MTIF3: variants seen among roughly 807,000 people sequenced by gnomAD.
The protein encoded by MTIF3 is translation initiation factor IF-3, mitochondrial.
A neutral mutation model predicts 20.7 loss-of-function variants in MTIF3; 13 were observed. The observed-to-expected ratio is 0.63, with a 90% CI of 0.41 to 1.00. MTIF3 has a LOEUF of 1.00. Ranked by LOEUF, MTIF3 falls within the 50% of genes least tolerant of loss-of-function variation. The pLI, the probability that MTIF3 is intolerant of heterozygous loss-of-function variation, is 0.00. For synonymous variants in MTIF3, 114 were observed against 112.5 expected, an observed-to-expected ratio of 1.01 and a Z score of -0.08; for missense variants, 295 against 324.5, an observed-to-expected ratio of 0.91 and a Z score of 0.70.
chr13:27,444,278 CTG>C (rs1954101330), intron 2 of MTIF3, among the ~76,000 whole-genome samples: 1 of 151,676 alleles, frequency 6.6e-6, no homozygotes, highest in Non-Finnish European at 1.5e-5. Flanking sequence ...GCACTCCAGC[CTG>C]GGCGACAGAG....
intron 2 of MTIF3, among the ~76,000 whole-genome samples, chr13:27,443,028 C>A (rs1298940997): frequency 6.6e-6 from 1 of 152,246 alleles, no homozygotes; most frequent in Non-Finnish European, 1.5e-5. Flanking sequence ...AGCCAAGGAG[C>A]TATGGCAGGG....
At chr13:27,445,505 C>T (rs142539573) in intron 1 of MTIF3, among the ~76,000 whole-genome samples, 78 of 151,896 alleles carry the variant, frequency 5.1e-4, no homozygotes, top group African/African-American at 1.8e-3. Context: ...CACCATTTTT[C>T]CAACCCCAAC....
At chr13:27,439,967 G>A (rs1381257800) in intron 3 of MTIF3, 22 bp downstream of exon 3, 3 of 1,602,548 alleles carry the variant, frequency 1.9e-6, no homozygotes, top group Non-Finnish European at 2.6e-6. Flanking sequence ...AGGATTCAGG[G>A]AGCCAACAGC....
At chr13:27,445,536 G>T (rs963739050) in intron 1 of MTIF3, among the ~76,000 whole-genome samples, 2 of 151,994 alleles carry the variant, frequency 1.3e-5, no homozygotes, top group African/African-American at 4.8e-5. Context: ...ATTCAGGCAG[G>T]ATGCAAGAGA....
chr13:27,441,368 T>A (rs912565426), intron 2 of MTIF3: 1 of 152,186 alleles, frequency 6.6e-6, no homozygotes, highest in African/African-American at 2.4e-5. Context: ...ATATAGCAGA[T>A]AGGAACACAC....
intron 2 of MTIF3, 116 bp downstream of exon 2, chr13:27,444,972 T>C (rs774976792): frequency 6.6e-6 from 1 of 152,184 alleles, no homozygotes; most frequent in African/African-American, 2.4e-5. Context: ...TTCAATATAC[T>C]GAATATACAA....
intron 3 of MTIF3, among the ~76,000 whole-genome samples, chr13:27,438,676 T>G (rs1953886331): frequency 6.6e-6 from 1 of 151,872 alleles, no homozygotes; most frequent in South Asian, 2.1e-4. Flanking sequence ...TAAAATTTTT[T>G]GTAGAGATGG....
rs368295305 is a variant in MTIF3, at chr13:27,437,126, T to G, written c.608A>C (p.Glu203Ala). 1.2e-6 allele frequency: 2 copies of G among 1,613,462 alleles called. No homozygotes were observed. Among genetic ancestry groups the G allele is most frequent in the African/African-American group, 2.7e-5 (2 of 74,812 alleles). Residue 203 changes from glutamate to alanine, a missense_variant, in exon 4 of 5, where the codon GAA (glutamate) becomes GCA (alanine). Coordinates refer to ENST00000381120, the MANE Select transcript of MTIF3 (RefSeq NM_152912.5). ...ACCTTCTTTACTTACCATTTCATTT[T>G]CTGACACGTCTACATTTTTTCCTTT... ...IKKGKNVDVSENEMEEIFHQI... is the reference protein window; with the variant it reads ...IKKGKNVDVSANEMEEIFHQI...
intron 1 of MTIF3, among the ~76,000 whole-genome samples, chr13:27,445,516 G>A (rs978126183): frequency 2.6e-5 from 4 of 151,692 alleles, no homozygotes; most frequent in South Asian, 2.1e-4. Context: ...CAACCCCAAC[G>A]AAACTACTGA....
intron 1 of MTIF3, among the ~76,000 whole-genome samples, chr13:27,445,509 C>A (rs1374137204): frequency 6.6e-6 from 1 of 151,904 alleles, no homozygotes; most frequent in Non-Finnish European, 1.5e-5. Flanking sequence ...ATTTTTCCAA[C>A]CCCAACGAAA....
At chr13:27,443,271 T>C (rs1421496950) in intron 2 of MTIF3, among the ~76,000 whole-genome samples, 1 of 152,240 alleles carries the variant, frequency 6.6e-6, no homozygotes, top group Admixed American at 6.5e-5. Context: ...TTTAAATCAC[T>C]GACATACTGT....
In MTIF3 at chr13:27,435,803, T is replaced by C. The variant is rs1953718316; in HGVS notation, c.709A>G (p.Met237Val). The change falls in exon 5 of 5, where the codon ATG (methionine) becomes GTG (valine). Residue 237 changes from methionine to valine, a missense_variant. By Grantham distance (21) the Met-to-Val change is conservative. Coordinates refer to ENST00000381120, the MANE Select transcript of MTIF3 (RefSeq NM_152912.5). ...PQAVQGGKAL[M>V]CVLRAFSKNE... is the part of the protein sequence containing the mutation. The stretch of plus-strand genomic sequence containing the variant: ...TTGCTGAAAGCACGAAGAACACACA[T>C]TAAAGCTTTTCCTCCTTGAACAGCT... 1 of 1,614,076 alleles carries C rather than the reference T, an allele frequency of 6.2e-7. No individual in the cohort carries two copies. The highest frequency in any genetic ancestry group is 1.3e-5 in the African/African-American group (1 of 74,926).
Position 27,441,795 on chromosome 13 carries a change from G to A in MTIF3, c.-1-1346C>T, listed in dbSNP as rs181117389. ...AGAGGAAAACAGAAGGTGTCTTCAG[G>A]GTGCTTCTCAAAGAATGGTCCCAGA... On this transcript the variant is annotated intron_variant, in intron 2 of 4. Transcript: ENST00000381120. Among the ~76,000 whole-genome samples the A allele has an allele frequency of 2.0e-5, 3 of 152,210 alleles. No individual in the cohort carries two copies. The East Asian group carries it at 5.8e-4, about 29-fold the overall frequency.
chr13:27,446,202 G>A (rs1442241064), intron 1 of MTIF3, among the ~76,000 whole-genome samples: 1 of 152,052 alleles, frequency 6.6e-6, no homozygotes, highest in Non-Finnish European at 1.5e-5. Context: ...GATTACAGGT[G>A]TGCACCACTA....
rs184556678 is a variant in MTIF3 at position 27,444,190 on chromosome 13, C to T, written c.-2+898G>A. On this transcript the variant is annotated intron_variant, in intron 2 of 4. Transcript: ENST00000381120. ...GCGTGGTGGCGGGCGCCTGTAGTCC[C>T]GGCTACTCGGGAGGCTGAGGCAGGA... Among the ~76,000 whole-genome samples the T allele has an allele frequency of 3.2e-3, 491 of 152,222 alleles. 2 individuals are homozygous for T. The highest frequency in any genetic ancestry group is 0.011 in the African/African-American group (465 of 41,534).
rs544755827 is a variant in MTIF3 at position 27,439,685 on chromosome 13, A to C, written c.460+304T>G. Among the ~76,000 whole-genome samples the C allele has an allele frequency of 2.0e-5, 3 of 152,282 alleles. No individual in the cohort carries two copies. In the South Asian group the frequency reaches 6.2e-4, roughly 32 times the overall value. ...CTCAGCTTGCTGCGGCATTGGGAGAAGGCCACAGGACAGGGGAAAGAGTTC... is the reference window on the plus strand; with the variant it reads ...CTCAGCTTGCTGCGGCATTGGGAGACGGCCACAGGACAGGGGAAAGAGTTC... On this transcript the variant is annotated intron_variant, in intron 3 of 4. Transcript: ENST00000381120.
intron 1 of MTIF3, among the ~76,000 whole-genome samples, chr13:27,446,852 G>C (rs1320291902): frequency 6.6e-6 from 1 of 152,088 alleles, no homozygotes; most frequent in African/African-American, 2.4e-5. Context: ...GGATGGGAAG[G>C]AGGCTGGCAT....
chr13:27,438,387 G>A (rs936590125), intron 3 of MTIF3, among the ~76,000 whole-genome samples: 4 of 151,300 alleles, frequency 2.6e-5, no homozygotes, highest in Non-Finnish European at 4.4e-5. Context: ...CTGTGTGGGA[G>A]GCAGAGGTGG....
chr13:27,446,663 A>G (rs1954190204), intron 1 of MTIF3, among the ~76,000 whole-genome samples: 1 of 152,260 alleles, frequency 6.6e-6, no homozygotes, highest in African/African-American at 2.4e-5. Flanking sequence ...CTGGCTTTGT[A>G]CATAATTTTA....
Sources: gnomAD v4.1 joint callset for allele counts (sites outside exome capture counted in the v4.1 genomes callset) on GRCh38, gnomAD v4.1.1 for gene constraint, MANE v1.5 for transcripts, NCBI Gene and HGNC (gene_info 2026-07-23, HGNC 2026-07-21) for gene names.